Variants in ABI2 observed in about 807,000 individuals in gnomAD.
The protein encoded by ABI2 is abelson interactor 2.
A neutral mutation model predicts 59.2 loss-of-function variants in ABI2; 25 were observed. That is an observed-to-expected ratio of 0.42 (90% CI 0.31 to 0.59). ABI2 has a LOEUF of 0.59. ABI2 is among the 20% of genes least tolerant of loss of function. The pLI is 0.14. For missense variants in ABI2, 545 were observed against 681.8 expected (o/e 0.80, Z 2.23); for synonymous variants, 213 against 235.5 (o/e 0.90, Z 0.87).
At chr2:203,367,969 C>T (rs566226904) in intron 2 of ABI2, among the ~76,000 whole-genome samples, 1 of 151,714 alleles carries the variant, frequency 6.6e-6, no homozygotes, top group Admixed American at 6.6e-5. Flanking sequence ...TATGACATGC[C>T]CTTCAGCCTG....
At position 203,366,920 on chromosome 2, in the gene ABI2, C is replaced by T. The variant is rs1270388379; in HGVS notation, c.161C>T (p.Thr54Ile). The change falls in exon 2 of 12, where the codon ACC becomes ATC. Residue 54 changes from threonine (T) to isoleucine (I), a missense_variant. Physicochemically the swap from Thr to Ile is moderately conservative, Grantham distance 89. This residue lies in a region of ABI2 where 36 missense variants were observed against 80.0 expected (regional missense o/e 0.45). Coordinates refer to ENST00000261018, the MANE Select transcript of ABI2 (RefSeq NM_001375670.1). ...GCCCTAGAAGAAACCAAAGCCTACA[C>T]CACCCAATCCTTAGCAAGTGTTGCC... ...QRALEETKAY[T>I]TQSLASVAYL... The T allele has an allele frequency of 1.3e-5, 21 of 1,610,972 alleles. No homozygotes were observed. Among genetic ancestry groups the T allele is most frequent in the Non-Finnish European group, 1.8e-5 (21 of 1,178,344 alleles).
At chr2:203,412,793 G>A (rs2097731632) in intron 10 of ABI2, among the ~76,000 whole-genome samples, 1 of 152,152 alleles carries the variant, frequency 6.6e-6, no homozygotes, top group African/African-American at 2.4e-5. Flanking sequence ...GGTCAAGTGT[G>A]GGATACAGGG....
intron 1 of ABI2, among the ~76,000 whole-genome samples, chr2:203,351,118 C>G (rs1418885461): frequency 1.3e-5 from 2 of 152,102 alleles, no homozygotes; most frequent in Non-Finnish European, 2.9e-5. Flanking sequence ...TTTTCTTTCC[C>G]TCGTTAAATT....
chr2:203,400,094 T>C (rs1386337625), intron 8 of ABI2, among the ~76,000 whole-genome samples: 2 of 131,578 alleles, frequency 1.5e-5, no homozygotes, highest in African/African-American at 2.9e-5. Context: ...TTTTTTTTTT[T>C]TTTTTTTTTT....
rs181164537 is a variant in ABI2 at position 203,403,110 on chromosome 2, A to G, written c.1192+376A>G. ...ACATGAACAGAATTTAGAAGTGGCAAAGGAAAAGAGAACATTTTTGAAGCT... is the reference window on the plus strand; with the variant it reads ...ACATGAACAGAATTTAGAAGTGGCAGAGGAAAAGAGAACATTTTTGAAGCT... On this transcript the variant is annotated intron_variant, in intron 9 of 11. Transcript: ENST00000261018. 5.9e-5 allele frequency among the ~76,000 whole-genome samples: 9 copies of G among 152,358 alleles called. No homozygotes were observed. The East Asian group carries it at 1.2e-3, about 20-fold the overall frequency.
intron 2 of ABI2, among the ~76,000 whole-genome samples, chr2:203,370,228 T>TCTCTCTCTCTCTCTCTG (rs2095020294): frequency 8.5e-6 from 1 of 117,462 alleles, no homozygotes; most frequent in Non-Finnish European, 1.8e-5. Context: ...CTCTCTCTCT[T>TCTCTCTCTCTCTCTCTG]TCTGTGTGTA....
At chr2:203,412,719 C>A (rs1451278693) in intron 10 of ABI2, among the ~76,000 whole-genome samples, 1 of 152,206 alleles carries the variant, frequency 6.6e-6, no homozygotes, top group Non-Finnish European at 1.5e-5. Flanking sequence ...CAGCAACATT[C>A]AACTATTAAT....
chr2:203,393,390 C>T (rs1229094074), intron 5 of ABI2, among the ~76,000 whole-genome samples: 1 of 152,186 alleles, frequency 6.6e-6, no homozygotes, highest in Admixed American at 6.5e-5. Context: ...GAAAAATTGT[C>T]TGAAAATTAG....
At position 203,372,940 on chromosome 2, in the gene ABI2, G is replaced by A. The variant is rs931002137; in HGVS notation, c.285+5896G>A. 4.6e-5 allele frequency among the ~76,000 whole-genome samples: 7 copies of A among 152,096 alleles called. 1 individual carries two copies. The highest frequency in any genetic ancestry group is 1.2e-4 in the African/African-American group (5 of 41,424). ...CAGAGACGCTCCTCACTTCCTAGAC[G>A]GGATGGCGGCCAGGAAGAGGCGCTC... is the stretch of plus-strand genomic sequence containing the variant. On this transcript the variant is annotated intron_variant, in intron 2 of 11. Coordinates refer to ENST00000261018, the MANE Select transcript of ABI2 (RefSeq NM_001375670.1).
At chr2:203,351,361 T>TG (rs1191645072) in intron 1 of ABI2, among the ~76,000 whole-genome samples, 1 of 152,222 alleles carries the variant, frequency 6.6e-6, no homozygotes, top group African/African-American at 2.4e-5. Flanking sequence ...CATTTGTTAA[T>TG]TTCTGCCACA....
intron 1 of ABI2, among the ~76,000 whole-genome samples, chr2:203,355,936 A>G (rs182983580): frequency 1.3e-5 from 2 of 151,904 alleles, no homozygotes; most frequent in East Asian, 3.9e-4. Context: ...TAGATTGGAA[A>G]TAATTTTTTC....
chr2:203,421,192 AAGT>A (rs2098190016), intron 11 of ABI2, among the ~76,000 whole-genome samples: 1 of 152,112 alleles, frequency 6.6e-6, no homozygotes, highest in African/African-American at 2.4e-5. Flanking sequence ...TGGAGAGGAA[AAGT>A]AGGAGTTGTA....
At chr2:203,374,737 T>G (rs1335158507) in intron 2 of ABI2, 3 of 420,420 alleles carry the variant, frequency 7.1e-6, no homozygotes, top group Non-Finnish European at 1.5e-5. Flanking sequence ...TTTGAAACAT[T>G]AGCTTACTAA....
chr2:203,361,817 AT>A (rs1184650655), intron 1 of ABI2, among the ~76,000 whole-genome samples: 5 of 152,128 alleles, frequency 3.3e-5, no homozygotes, highest in Non-Finnish European at 7.4e-5. Context: ...TTATAGTGTC[AT>A]TTATTGAGCG....
chr2:203,416,451 A>G (rs373806678), intron 10 of ABI2, among the ~76,000 whole-genome samples: 27 of 152,076 alleles, frequency 1.8e-4, no homozygotes, highest in African/African-American at 5.6e-4. Flanking sequence ...GCCCACGACC[A>G]TGTGCGACTA....
chr2:203,418,130 T>C (rs1179079677), intron 11 of ABI2, among the ~76,000 whole-genome samples: 2 of 152,120 alleles, frequency 1.3e-5, no homozygotes, highest in East Asian at 1.9e-4. Flanking sequence ...CAACAGATAA[T>C]GTGAGACAAG....
intron 1 of ABI2, chr2:203,329,103 TC>T (rs1294913876): frequency 6.5e-6 from 1 of 152,714 alleles, no homozygotes; most frequent in Non-Finnish European, 1.5e-5. Context: ...AGTTTTCTGT[TC>T]CTGTGAATGC....
intron 1 of ABI2, among the ~76,000 whole-genome samples, chr2:203,358,659 T>C (rs2092808692): frequency 6.6e-6 from 1 of 152,180 alleles, no homozygotes; most frequent in Non-Finnish European, 1.5e-5. Flanking sequence ...GTTTTAGGCC[T>C]TGTATATTAA....
chr2:203,411,977 A>G (rs2097694685), intron 10 of ABI2, among the ~76,000 whole-genome samples: 1 of 152,238 alleles, frequency 6.6e-6, no homozygotes, highest in African/African-American at 2.4e-5. Context: ...CACAGAGACC[A>G]GTGAACATAG....
Sources: gnomAD v4.1 joint callset for allele counts (sites outside exome capture counted in the v4.1 genomes callset) on GRCh38, gnomAD v4.1.1 for gene constraint, gnomAD v4.1.1 regional missense constraint, MANE v1.5 for transcripts, NCBI Gene and HGNC (gene_info 2026-07-23, HGNC 2026-07-21) for gene names.